The following INIP variants were observed in gnomAD, a reference collection of about 807,000 sequenced individuals.
INIP encodes SOSS complex subunit C.
Under a neutral mutation model 14.0 loss-of-function variants are expected in INIP, and 9 were observed. The observed-to-expected ratio is 0.64, with a 90% CI of 0.39 to 1.12. INIP has a LOEUF of 1.12. INIP is among the 50% of genes most tolerant of loss of function. The pLI, the probability that INIP is intolerant of heterozygous loss-of-function variation, is 0.01. For missense variants in INIP, 78 were observed against 122.7 expected, an observed-to-expected ratio of 0.64 and a Z score of 1.72; for synonymous variants, 37 against 41.5, an observed-to-expected ratio of 0.89 and a Z score of 0.41.
At chr9:112,704,475 T>C (rs752488306) in intron 2 of INIP, among the ~76,000 whole-genome samples, 12 of 152,180 alleles carry the variant, frequency 7.9e-5, no homozygotes, top group Admixed American at 3.9e-4. Flanking sequence ...GGAATAACTC[T>C]AGGCTGCAAG....
chr9:112,715,990 A>C (rs896464865), intron 2 of INIP, among the ~76,000 whole-genome samples: 1 of 152,174 alleles, frequency 6.6e-6, no homozygotes, highest in Non-Finnish European at 1.5e-5. Flanking sequence ...ACCATCCTAT[A>C]AGCAGTCTGT....
intron 3 of INIP, among the ~76,000 whole-genome samples, chr9:112,692,252 G>A (rs966324953): frequency 2.6e-5 from 4 of 152,176 alleles, no homozygotes; most frequent in African/African-American, 9.7e-5. Flanking sequence ...AGACAGAAGA[G>A]AGTTAGGGTG....
intron 2 of INIP, among the ~76,000 whole-genome samples, chr9:112,695,488 A>C (rs1838049670): frequency 6.6e-6 from 1 of 151,990 alleles, no homozygotes; most frequent in Admixed American, 6.6e-5. Flanking sequence ...GAGACTAGCT[A>C]GGGATGGTGT....
intron 2 of INIP, among the ~76,000 whole-genome samples, chr9:112,699,997 C>T (rs1316709913): frequency 6.6e-6 from 1 of 152,070 alleles, no homozygotes; most frequent in Non-Finnish European, 1.5e-5. Context: ...GTATTTGTGT[C>T]CTTACATCTT....
intron 2 of INIP, among the ~76,000 whole-genome samples, chr9:112,713,841 A>G (rs1838721434): frequency 1.3e-5 from 2 of 152,156 alleles, no homozygotes; most frequent in South Asian, 4.1e-4. Flanking sequence ...AAAATTAGCC[A>G]GGCGCAGTGG....
chr9:112,695,784 G>A lies in INIP; in HGVS notation c.26-1551C>T, dbSNP rs888498349. On this transcript the variant is annotated intron_variant, in intron 2 of 4. Coordinates refer to ENST00000374242, the MANE Select transcript of INIP (RefSeq NM_021218.3). ...TAGGAGGAAGGGAGAGGAGGAGGGGGAGGGGGAGGGGGAGGAGGAGGAGGA... is the reference window on the plus strand; with the variant it reads ...TAGGAGGAAGGGAGAGGAGGAGGGGAAGGGGGAGGGGGAGGAGGAGGAGGA... Among the ~76,000 whole-genome samples, 125 of 143,350 alleles carry A rather than the reference G, an allele frequency of 8.7e-4. 1 individual carries two copies. The highest frequency in any genetic ancestry group is 3.1e-3 in the African/African-American group (120 of 39,104). The allele number at this position is 143,350 out of a possible 152,430, so 94.0% of individuals were successfully genotyped here.
intron 4 of INIP, 124 bp downstream of exon 4, chr9:112,689,403 C>T: frequency 1.3e-6 from 1 of 742,868 alleles, no homozygotes; most frequent in South Asian, 1.7e-5. Flanking sequence ...ATCAGCAAAC[C>T]ATTGCAATTA....
intron 2 of INIP, among the ~76,000 whole-genome samples, chr9:112,713,191 T>G (rs1275674455): frequency 6.6e-6 from 1 of 152,148 alleles, no homozygotes; most frequent in African/African-American, 2.4e-5. Context: ...CAATGGCCAA[T>G]AAGTACAACG....
chr9:112,687,849 G>A (rs1254274435), intron 4 of INIP, among the ~76,000 whole-genome samples: 1 of 152,066 alleles, frequency 6.6e-6, no homozygotes, highest in Admixed American at 6.6e-5. Context: ...ACTTTGGGAG[G>A]CTGAGGTGGG....
chr9:112,711,116 G>A (rs1392597941), intron 2 of INIP, among the ~76,000 whole-genome samples: 2 of 151,680 alleles, frequency 1.3e-5, no homozygotes, highest in South Asian at 4.2e-4. Flanking sequence ...GCTGCACGGA[G>A]CTACAATCAC....
Position 112,711,958 on chromosome 9 carries a change from C to T in INIP, c.25+4503G>A, listed in dbSNP as rs78697749. Among the ~76,000 whole-genome samples, 1,314 of 152,258 alleles carry T rather than the reference C, an allele frequency of 8.6e-3. 31 individuals carry two copies. The highest frequency in any genetic ancestry group is 0.03 in the African/African-American group (1,249 of 41,548). ...ATACTAAAATATTAAAAATTCACTA[C>T]TTAAAGGCACTGGAGTCTGACCAGT... On this transcript the variant is annotated intron_variant, in intron 2 of 4. Coordinates refer to ENST00000374242, the MANE Select transcript of INIP (RefSeq NM_021218.3).
Position 112,687,607 on chromosome 9 carries a change from G to A in INIP, c.246C>T (p.Tyr82=), listed in dbSNP as rs762576946. The change falls in exon 5 of 5, where the codon TAC becomes TAT. Residue 82 remains tyrosine (Y), a synonymous_variant. Coordinates refer to ENST00000374242, the MANE Select transcript of INIP (RefSeq NM_021218.3). ...CAAATGCAGAGTCTTGAGTGATGAA[G>A]TATCCAGATGAATGTGCATGAGCAT... The part of the protein sequence containing the change: ...LQHAHAHSSG[Y]FITQDSAFGN... The A allele has an allele frequency of 1.9e-6, 3 of 1,593,140 alleles. No homozygotes were observed. The highest frequency in any genetic ancestry group is 2.7e-5 in the African/African-American group (2 of 74,710).
intron 4 of INIP, 108 bp downstream of exon 4, chr9:112,689,419 G>T: frequency 1.2e-6 from 1 of 864,530 alleles, no homozygotes; most frequent in Non-Finnish European, 1.9e-6. Flanking sequence ...AATTATGTGT[G>T]GAACATTTTT....
At chr9:112,707,982 C>G (rs572494016) in intron 2 of INIP, among the ~76,000 whole-genome samples, 1 of 152,196 alleles carries the variant, frequency 6.6e-6, no homozygotes, top group African/African-American at 2.4e-5. Context: ...CTATCACATA[C>G]AGGCACAAAG....
intron 2 of INIP, among the ~76,000 whole-genome samples, chr9:112,712,466 G>A (rs778941584): frequency 2.0e-5 from 3 of 152,090 alleles, no homozygotes; most frequent in Non-Finnish European, 4.4e-5. Flanking sequence ...AAAGGAAAAC[G>A]TGATGCATAT....
intron 2 of INIP, among the ~76,000 whole-genome samples, chr9:112,713,257 T>C (rs1838702451): frequency 6.6e-6 from 1 of 152,258 alleles, no homozygotes; most frequent in African/African-American, 2.4e-5. Context: ...AATGAGATAC[T>C]ACTTCATACA....
chr9:112,693,864 CAGG>C (rs1442611129), intron 3 of INIP, among the ~76,000 whole-genome samples: 1 of 152,218 alleles, frequency 6.6e-6, no homozygotes, highest in East Asian at 1.9e-4. Context: ...CACCTGAGGT[CAGG>C]AGTTCAAGAC....
At chr9:112,711,214 T>G (rs1478105127) in intron 2 of INIP, among the ~76,000 whole-genome samples, 1 of 151,698 alleles carries the variant, frequency 6.6e-6, no homozygotes, top group African/African-American at 2.4e-5. Context: ...ATACAATAGA[T>G]CTGAATAAAT....
intron 2 of INIP, among the ~76,000 whole-genome samples, chr9:112,702,460 G>A (rs1482450110): frequency 6.6e-6 from 1 of 152,060 alleles, no homozygotes. Flanking sequence ...AATTACAATC[G>A]CACAAGAATA....
Sources: gnomAD v4.1 joint callset for allele counts (sites outside exome capture counted in the v4.1 genomes callset) on GRCh38, gnomAD v4.1.1 for gene constraint, MANE v1.5 for transcripts, NCBI Gene and HGNC (gene_info 2026-07-23, HGNC 2026-07-21) for gene names.